Variants in MYO15A observed in about 807,000 individuals in gnomAD.
MYO15A encodes the protein myosin XVA.
MYO15A carries 308 observed loss-of-function variants against 394.6 expected under a neutral mutation model. The ratio of observed to expected loss-of-function variants is 0.78; its 90% CI spans 0.71 to 0.86. The LOEUF (loss-of-function observed/expected upper bound fraction) is 0.86. Ranked by LOEUF, MYO15A falls within the 40% of genes least tolerant of loss-of-function variation. The pLI, the probability that MYO15A is intolerant of heterozygous loss-of-function variation, is 0.00. For synonymous variants in MYO15A, 1,957 were observed against 2,003.8 expected, an observed-to-expected ratio of 0.98 and a Z score of 0.62; for missense variants, 4,606 against 4,799.1, an observed-to-expected ratio of 0.96 and a Z score of 1.19.
rs527582798 is a variant in MYO15A, at chr17:18,118,805, C to T, written c.5C>T (p.Ala2Val). The T allele has an allele frequency of 6.2e-6, 10 of 1,607,884 alleles. No homozygotes were observed. The highest frequency in any genetic ancestry group is 2.2e-5 in the East Asian group (1 of 44,600). M[A>V]KEEDEEKKAK... ...TGTAGAGAGCAGGCAGCCACCATGGCGAAGGAGGAAGATGAGGAGAAGAAA... is the reference window on the plus strand; with the variant it reads ...TGTAGAGAGCAGGCAGCCACCATGGTGAAGGAGGAAGATGAGGAGAAGAAA... The change falls in exon 2 of 66, where the codon GCG becomes GTG. Residue 2 changes from alanine (A) to valine (V), a missense_variant. Ala to Val is a moderately conservative substitution (Grantham distance 64). Around this residue, in one of 2 missense-constraint regions of MYO15A, gnomAD observed 1,830 missense variants for 1,689.7 expected, o/e 1.08. Coordinates refer to ENST00000647165, the MANE Select transcript of MYO15A (RefSeq NM_016239.4).
chr17:18,161,185 C>A, intron 56 of MYO15A, 132 bp from the exon 57 acceptor site: 3 of 1,274,832 alleles, frequency 2.4e-6, no homozygotes, highest in Non-Finnish European at 3.3e-6. Flanking sequence ...CATATCACTG[C>A]GCAGGGAGGG....
intron 17 of MYO15A, 147 bp from the exon 18 acceptor site, chr17:18,138,664 C>T: frequency 8.5e-7 from 1 of 1,177,416 alleles, no homozygotes; most frequent in Non-Finnish European, 1.2e-6. Context: ...GCCTTCTGAC[C>T]CAGGGAGATG....
rs1382203425 is a variant in MYO15A at position 18,133,026 on chromosome 17, C to A, written c.4321-199C>A. On this transcript the variant is annotated intron_variant, in intron 11 of 65. Coordinates refer to ENST00000647165, the MANE Select transcript of MYO15A (RefSeq NM_016239.4). ...GGCAGCTGCAAAGGTCAACAGGTGA[C>A]AACCCCTGCCACACATTGCACTTAG... Among the ~76,000 whole-genome samples the A allele has an allele frequency of 2.0e-5, 3 of 152,360 alleles. No homozygotes were observed. The East Asian group carries it at 5.8e-4, about 29-fold the overall frequency.
At position 18,119,327 on chromosome 17, in the gene MYO15A, C is replaced by A; in HGVS notation, c.527C>A (p.Ser176Ter). The change falls in exon 2 of 66, where the codon TCG becomes TAG. Residue 176 changes from serine to a stop codon, truncating the protein, a stop_gained. Coordinates refer to ENST00000647165, the MANE Select transcript of MYO15A (RefSeq NM_016239.4). LOFTEE classifies it high-confidence loss of function. ...RMGSRKLPFPSGAEILRPGGR... is the reference protein window; with the variant it reads ...RMGSRKLPFP ...GGCTCCCGCAAACTCCCCTTCCCGTCGGGTGCCGAGATCCTGCGGCCTGGG... is the reference window on the plus strand; with the variant it reads ...GGCTCCCGCAAACTCCCCTTCCCGTAGGGTGCCGAGATCCTGCGGCCTGGG... 1 of 1,609,916 alleles carries A rather than the reference C, an allele frequency of 6.2e-7. No individual in the cohort carries two copies. Among genetic ancestry groups the A allele is most frequent in the South Asian group, 1.1e-5 (1 of 91,030 alleles).
At chr17:18,137,850 G>C (rs905861675) in intron 16 of MYO15A, 171 bp downstream of exon 16, 2 of 923,068 alleles carry the variant, frequency 2.2e-6, no homozygotes, top group Non-Finnish European at 3.4e-6. Flanking sequence ...CTGTTCTGGA[G>C]GGAAAGGTGC....
At chr17:18,130,287 C>A (rs2046131009) in intron 7 of MYO15A, among the ~76,000 whole-genome samples, 1 of 152,040 alleles carries the variant, frequency 6.6e-6, no homozygotes, top group South Asian at 2.1e-4. Context: ...TAGATCCGTG[C>A]CTGTAGGATT....
intron 1 of MYO15A, among the ~76,000 whole-genome samples, chr17:18,115,994 C>G (rs2045778601): frequency 6.6e-6 from 1 of 152,240 alleles, no homozygotes; most frequent in Admixed American, 6.5e-5. Flanking sequence ...CATATGGTAA[C>G]TGCATGAGGG....
intron 15 of MYO15A, 109 bp downstream of exon 15, chr17:18,136,795 A>ATCC (rs2046286676): frequency 6.9e-7 from 1 of 1,450,524 alleles, no homozygotes; most frequent in Admixed American, 2.0e-5. Flanking sequence ...AGCAGGTGCC[A>ATCC]TCCTCCCTTC....
At chr17:18,160,758 C>A in intron 56 of MYO15A, 1 of 219,532 alleles carries the variant, frequency 4.6e-6, no homozygotes, top group Non-Finnish European at 9.3e-6. Context: ...AAATGAAACC[C>A]TCACACCCAG....
chr17:18,145,274 G>A (rs950612577), intron 29 of MYO15A, among the ~76,000 whole-genome samples: 1 of 152,204 alleles, frequency 6.6e-6, no homozygotes, highest in South Asian at 2.1e-4. Flanking sequence ...GGAGGTGGGG[G>A]CTGGCTGGAG....
intron 1 of MYO15A, among the ~76,000 whole-genome samples, chr17:18,111,396 G>A (rs1452502283): frequency 1.3e-5 from 2 of 151,122 alleles, no homozygotes; most frequent in Non-Finnish European, 2.9e-5. Context: ...AACACAGGGA[G>A]CTCCATGAGA....
In MYO15A at chr17:18,120,195, G is replaced by A; in HGVS notation, c.1395G>A (p.Lys465=). Residue 465 remains lysine, a synonymous_variant, in exon 2 of 66, where the codon AAG becomes AAA. Transcript: ENST00000647165. ...TCTTCGAGCAGCAAGGCATGGATAA[G>A]CCCGCCAGGTCCAAGCTGTCCCTCA... ...AAFFEQQGMD[K]PARSKLSLIR... is the part of the protein sequence containing the mutation. 6.2e-7 allele frequency: 1 copy of A among 1,612,892 alleles called. No homozygotes were observed. Among genetic ancestry groups the A allele is most frequent in the Non-Finnish European group, 8.5e-7 (1 of 1,179,992 alleles).
At position 18,121,920 on chromosome 17, in the gene MYO15A, C is replaced by T. The variant is rs373114781; in HGVS notation, c.3120C>T (p.Pro1040=). 9.3e-6 allele frequency: 15 copies of T among 1,613,116 alleles called. No individual in the cohort carries two copies. In the African/African-American group the frequency reaches 1.7e-4, roughly 19 times the overall value. ...CAGCACCTCCCAAGGATGTCACTCCCCCCAAGGATATCACTCCCCCCAAGG... is the reference window on the plus strand; with the variant it reads ...CAGCACCTCCCAAGGATGTCACTCCTCCCAAGGATATCACTCCCCCCAAGG... ...PTPAPPKDVT[P]PKDITPPKDV... The change falls in exon 2 of 66, where the codon CCC becomes CCT. Residue 1040 remains proline (P), a synonymous_variant. Coordinates refer to ENST00000647165, the MANE Select transcript of MYO15A (RefSeq NM_016239.4). The surrounding 1 kb of genome is among the most constrained non-coding windows in gnomAD (Gnocchi z 5.3).
chr17:18,155,578 T>G (rs1450375640), intron 47 of MYO15A, 146 bp downstream of exon 47: 1 of 793,394 alleles, frequency 1.3e-6, no homozygotes, highest in Non-Finnish European at 2.1e-6. Context: ...ATTTTAGAGC[T>G]GGGGAAACTG....
intron 13 of MYO15A, 131 bp downstream of exon 13, chr17:18,135,955 G>A (rs2046259745): frequency 1.2e-6 from 1 of 805,654 alleles, no homozygotes; most frequent in Non-Finnish European, 2.0e-6. Context: ...AGGCATGGAG[G>A]GGAGTAATTT....
chr17:18,111,553 C>G (rs965959227), intron 1 of MYO15A, among the ~76,000 whole-genome samples: 1 of 152,220 alleles, frequency 6.6e-6, no homozygotes, highest in African/African-American at 2.4e-5. Context: ...CCGCTCTGTG[C>G]CTGCACAGAG....
rs1255530106 is a variant in MYO15A at position 18,121,649 on chromosome 17, G to A, written c.2849G>A (p.Arg950His). Residue 950 changes from arginine to histidine, a missense_variant, in exon 2 of 66, where the codon CGC (arginine) becomes CAC (histidine). This residue lies in a region of MYO15A where 1,830 missense variants were observed against 1,689.7 expected (regional missense o/e 1.08). Coordinates refer to ENST00000647165, the MANE Select transcript of MYO15A (RefSeq NM_016239.4). The surrounding 1 kb of genome is among the most constrained non-coding windows in gnomAD (Gnocchi z 5.3). ...CCCTGGCCAGGAGGTGCAGGCAGCC[G>A]CCGAGGCTTTTCCAGGCCACCCCCT... ...PSPWPGGAGSRRGFSRPPPVP... is the reference protein window; with the variant it reads ...PSPWPGGAGSHRGFSRPPPVP... The A allele has an allele frequency of 3.7e-6, 5 of 1,333,482 alleles. No individual in the cohort carries two copies. The highest frequency in any genetic ancestry group is 4.9e-5 in the East Asian group (1 of 20,376). 82.6% of individuals were successfully genotyped at this position (1,333,482 alleles called of 1,614,324 possible). A position where few individuals can be genotyped will look rare whatever the true frequency, so the allele number is the denominator to read the frequency against.
intron 61 of MYO15A, 94 bp from the exon 62 acceptor site, chr17:18,167,496 G>A: frequency 6.3e-7 from 1 of 1,577,466 alleles, no homozygotes; most frequent in East Asian, 2.2e-5. Flanking sequence ...GGATGGGGCT[G>A]CAATCATTAA....
Position 18,166,491 on chromosome 17 carries a change from T to C in MYO15A, c.9918T>C (p.Asn3306=). 1 of 1,613,880 alleles carries C rather than the reference T, an allele frequency of 6.2e-7. No individual in the cohort carries two copies. The highest frequency in any genetic ancestry group is 8.5e-7 in the Non-Finnish European group (1 of 1,180,034). The change falls in exon 61 of 66, where the codon AAT becomes AAC. Residue 3306 remains asparagine, a synonymous_variant. Transcript: ENST00000647165. ...VLWDQPLKFE[N]ELYVTMHYNQ... ...GGGATCAGCCACTCAAGTTCGAGAA[T>C]GAGCTATATGTGACCATGCACTACA...
Sources: gnomAD v4.1 joint callset for allele counts (sites outside exome capture counted in the v4.1 genomes callset) on GRCh38, gnomAD v4.1.1 for gene constraint, gnomAD v4.1.1 regional missense constraint, Gnocchi (gnomAD v3.1) non-coding constraint, MANE v1.5 for transcripts, NCBI Gene and HGNC (gene_info 2026-07-23, HGNC 2026-07-21) for gene names.